PTGS1: variants seen among roughly 807,000 people sequenced by gnomAD.
PTGS1 encodes prostaglandin-endoperoxide synthase 1.
A neutral mutation model predicts 63.0 loss-of-function variants in PTGS1; 40 were observed. The ratio of observed to expected loss-of-function variants is 0.63; its 90% CI spans 0.49 to 0.83. The LOEUF (loss-of-function observed/expected upper bound fraction) is 0.83. PTGS1 is among the 40% of genes least tolerant of loss of function. PTGS1 has a pLI of 0.00. For missense variants in PTGS1, 709 were observed against 786.5 expected (o/e 0.90, Z 1.18); for synonymous variants, 298 against 301.9 (o/e 0.99, Z 0.13).
intron 10 of PTGS1, 96 bp downstream of exon 10, chr9:122,390,441 G>A: frequency 1.5e-6 from 2 of 1,372,574 alleles, no homozygotes; most frequent in Non-Finnish European, 2.0e-6. Context: ...AATACATGCG[G>A]CAATGTGTAA....
intron 7 of PTGS1, 78 bp from the exon 8 acceptor site, chr9:122,383,431 C>T (rs909504486): frequency 3.3e-6 from 5 of 1,525,530 alleles, no homozygotes; most frequent in South Asian, 1.3e-5. Context: ...CAGCTGGAGG[C>T]AGGAGTGGGA....
chr9:122,378,339 C>T (rs2119136372), intron 3 of PTGS1, 94 bp from the exon 4 acceptor site: 2 of 1,554,418 alleles, frequency 1.3e-6, no homozygotes, highest in Non-Finnish European at 1.8e-6. Flanking sequence ...CTCTGTTCCA[C>T]CCTGGCCCTT....
chr9:122,373,856 CT>C lies in PTGS1; in HGVS notation c.94+2596del, dbSNP rs35871335. Among the ~76,000 whole-genome samples, 570 of 147,162 alleles carry C rather than the reference CT, an allele frequency of 3.9e-3. 4 individuals are homozygous for C. The highest frequency in any genetic ancestry group is 0.011 in the African/African-American group (429 of 40,418). Reference sequence around the variant, plus strand: ...GGCCAAACCAGTCAGGGTTCCCCACCTTTTTTTTTTTTCTCTCTGGCTGCCA... The same window carrying C: ...GGCCAAACCAGTCAGGGTTCCCCACCTTTTTTTTTTTCTCTCTGGCTGCCA... On this transcript the variant is annotated intron_variant, in intron 2 of 10. Coordinates refer to ENST00000362012, the MANE Select transcript of PTGS1 (RefSeq NM_000962.4).
rs200460276 is a variant in PTGS1, at chr9:122,392,347, G to A, written c.1603G>A (p.Gly535Arg). The A allele has an allele frequency of 1.9e-5, 31 of 1,614,012 alleles. No homozygotes were observed. Among genetic ancestry groups the A allele is most frequent in the Non-Finnish European group, 2.5e-5 (30 of 1,179,994 alleles). The change falls in exon 11 of 11, where the codon GGG (glycine) becomes AGG (arginine). Residue 535 changes from glycine to arginine, a missense_variant. By Grantham distance (125) the Gly-to-Arg change is moderately radical. Transcript: ENST00000362012. Reference sequence around the variant, plus strand: ...TCCCTTTTCCCTCAAGGGTCTCCTAGGGAATCCCATCTGTTCTCCGGAGTA... The same window carrying A: ...TCCCTTTTCCCTCAAGGGTCTCCTAAGGAATCCCATCTGTTCTCCGGAGTA... ...GAPFSLKGLLGNPICSPEYWK... is the reference protein window; with the variant it reads ...GAPFSLKGLLRNPICSPEYWK...
intron 1 of PTGS1, 26 bp from the exon 2 acceptor site, chr9:122,371,160 C>T: frequency 5.6e-6 from 9 of 1,608,308 alleles, no homozygotes; most frequent in Non-Finnish European, 5.9e-6. Context: ...ATGCCAGGCT[C>T]AGCCCCTCAT....
At chr9:122,371,853 C>CA in intron 2 of PTGS1, 1 of 1,487,522 alleles carries the variant, frequency 6.7e-7, no homozygotes, top group Non-Finnish European at 9.1e-7. Context: ...CATGATTCCC[C>CA]AAGCTCACAA....
intron 5 of PTGS1, 98 bp from the exon 6 acceptor site, chr9:122,381,273 C>A: frequency 7.4e-7 from 1 of 1,353,426 alleles, no homozygotes; most frequent in Non-Finnish European, 1.0e-6. Flanking sequence ...CCACTCTGGG[C>A]TTCCTGCTTG....
intron 9 of PTGS1, among the ~76,000 whole-genome samples, chr9:122,388,199 AT>A (rs1277109939): frequency 1.7e-4 from 26 of 151,968 alleles, no homozygotes; most frequent in East Asian, 1.9e-4. Flanking sequence ...GACTGTCAAG[AT>A]TTTTTTTCTT....
At chr9:122,391,435 A>G (rs867654424) in intron 10 of PTGS1, among the ~76,000 whole-genome samples, 6,256 of 126,800 alleles carry the variant, frequency 0.049, 588 homozygotes, top group African/African-American at 0.17. Context: ...ATACATATAT[A>G]TATATATATA....
Position 122,392,301 on chromosome 9 carries a change from G to C in PTGS1, c.1557G>C (p.Glu519Asp). 2 of 1,614,116 alleles carry C rather than the reference G, an allele frequency of 1.2e-6. No individual in the cohort carries two copies. The highest frequency in any genetic ancestry group is 2.2e-5 in the East Asian group (1 of 44,878). The change falls in exon 11 of 11, where the codon GAG becomes GAC. Residue 519 changes from glutamate (E) to aspartate (D), a missense_variant. Coordinates refer to ENST00000362012, the MANE Select transcript of PTGS1 (RefSeq NM_000962.4). ...GCCATCCAAACTCTATCTTTGGGGA[G>C]AGTATGATAGAGATTGGGGCTCCCT... is the stretch of plus-strand genomic sequence containing the variant. ...EKCHPNSIFG[E>D]SMIEIGAPFS...
chr9:122,383,358 A>C (rs980827282), intron 7 of PTGS1, 151 bp from the exon 8 acceptor site: 1 of 1,012,248 alleles, frequency 9.9e-7, no homozygotes, highest in African/African-American at 1.7e-5. Context: ...GATGGAGAGC[A>C]GGGGACTGAT....
At chr9:122,371,115 T>A (rs529876553) in intron 1 of PTGS1, 24 bp downstream of exon 1, 1 of 1,604,668 alleles carries the variant, frequency 6.2e-7, no homozygotes. Context: ...CGGTGCCCGG[T>A]GGGGAATTTT....
In PTGS1 at chr9:122,381,355, C is replaced by T. The variant is rs200129525; in HGVS notation, c.497-16C>T. 10 of 1,612,466 alleles carry T rather than the reference C, an allele frequency of 6.2e-6. No homozygotes were observed. The highest frequency in any genetic ancestry group is 7.6e-6 in the Non-Finnish European group (9 of 1,179,148). On this transcript the variant is annotated splice_polypyrimidine_tract_variant and intron_variant, in intron 5 of 10. Coordinates refer to ENST00000362012, the MANE Select transcript of PTGS1 (RefSeq NM_000962.4). ...CAGATAGGAGAAGCTACTGCTGTTTCCTACCCCCCAACCAGGGAAGAAGCA... is the reference window on the plus strand; with the variant it reads ...CAGATAGGAGAAGCTACTGCTGTTTTCTACCCCCCAACCAGGGAAGAAGCA...
At chr9:122,389,148 CTTTTT>C (rs11313763) in intron 9 of PTGS1, among the ~76,000 whole-genome samples, 1 of 81,516 alleles carries the variant, frequency 1.2e-5, no homozygotes, top group Non-Finnish European at 2.6e-5. Context: ...CTTTTCTTTC[CTTTTT>C]TTTTTTTTTT....
intron 10 of PTGS1, among the ~76,000 whole-genome samples, chr9:122,390,770 G>A (rs1444143750): frequency 1.3e-5 from 2 of 152,110 alleles, no homozygotes; most frequent in African/African-American, 4.8e-5. Context: ...GGAGGCAGGC[G>A]CCTGTAGTCC....
intron 4 of PTGS1, 48 bp downstream of exon 4, chr9:122,378,621 C>T (rs1231241688): frequency 6.2e-7 from 1 of 1,612,892 alleles, no homozygotes. Flanking sequence ...AGCAAGCCTG[C>T]TAGTCCTTTT....
chr9:122,385,149 G>C (rs1209534043), intron 8 of PTGS1, among the ~76,000 whole-genome samples: 2 of 152,144 alleles, frequency 1.3e-5, no homozygotes, highest in African/African-American at 2.4e-5. Flanking sequence ...GTAGAGACAG[G>C]GTTTTGCCAT....
At chr9:122,377,256 G>A (rs919613490) in intron 2 of PTGS1, among the ~76,000 whole-genome samples, 2 of 152,176 alleles carry the variant, frequency 1.3e-5, no homozygotes, top group Non-Finnish European at 2.9e-5. Flanking sequence ...TGAAGGGATG[G>A]GCATTTGGTC....
At chr9:122,383,884 C>A (rs1837701141) in intron 8 of PTGS1, 129 bp downstream of exon 8, 1 of 1,291,896 alleles carries the variant, frequency 7.7e-7, no homozygotes. Flanking sequence ...GGCTAGAAGA[C>A]CTTGAGCAGG....
Sources: allele counts gnomAD v4.1 joint callset (sites outside exome capture counted in the v4.1 genomes callset), GRCh38; gene constraint gnomAD v4.1.1; transcripts MANE v1.5; gene names NCBI Gene and HGNC (gene_info 2026-07-23, HGNC 2026-07-21).